Variants in NOTCH4 observed in about 807,000 individuals in gnomAD.
The protein encoded by NOTCH4 is neurogenic locus notch homolog protein 4.
NOTCH4 carries 138 observed loss-of-function variants against 189.0 expected under a neutral mutation model. The ratio of observed to expected loss-of-function variants is 0.73; its 90% CI spans 0.64 to 0.84. The LOEUF (loss-of-function observed/expected upper bound fraction) is 0.84, where lower values mean the gene tolerates loss of function less well. NOTCH4 is among the 40% of genes least tolerant of loss of function. NOTCH4 has a pLI of 0.00. For missense variants in NOTCH4, 2,286 were observed against 2,605.4 expected (o/e 0.88, Z 2.67); for synonymous variants, 942 against 1,032.8 (o/e 0.91, Z 1.69).
rs577639775 is a variant in NOTCH4 at position 32,202,728 on chromosome 6, G to A, written c.3232-129C>T. On this transcript the variant is annotated intron_variant, in intron 20 of 29. Coordinates refer to ENST00000375023, the MANE Select transcript of NOTCH4 (RefSeq NM_004557.4). The surrounding 1 kb of genome is among the most constrained non-coding windows in gnomAD (Gnocchi z 5.7). Reference sequence around the variant, plus strand: ...TCATATCTAAAAGGCGCCTCAGAGAGCATCAAGTTAATCATTTTGTGGATG... The same window carrying A: ...TCATATCTAAAAGGCGCCTCAGAGAACATCAAGTTAATCATTTTGTGGATG... 6.6e-6 allele frequency: 5 copies of A among 762,112 alleles called. No individual in the cohort carries two copies. In the South Asian group the frequency reaches 8.8e-5, roughly 13 times the overall value. The allele number at this position is 762,112 out of a possible 1,614,324, so 47.2% of individuals were successfully genotyped here.
Position 32,217,232 on chromosome 6 carries a change from A to G in NOTCH4, c.1659T>C (p.Asp553=), listed in dbSNP as rs766725003. 3 of 1,613,008 alleles carry G rather than the reference A, an allele frequency of 1.9e-6. No homozygotes were observed. The highest frequency in any genetic ancestry group is 2.5e-6 in the Non-Finnish European group (3 of 1,179,956). ...FSGTRCEEDI[D]ECRSSPCANG... ...TGGCACAGGGAGAGCTTCTGCACTCATCGATATCCTCCTCACATCGGGTGC... is the reference window on the plus strand; with the variant it reads ...TGGCACAGGGAGAGCTTCTGCACTCGTCGATATCCTCCTCACATCGGGTGC... The change falls in exon 10 of 30, where the codon GAT becomes GAC. Residue 553 remains aspartate (D), a synonymous_variant. Transcript: ENST00000375023. The surrounding 1 kb of genome is among the most constrained non-coding windows in gnomAD (Gnocchi z 4.2).
rs746506663 is a variant in NOTCH4 at position 32,214,218 on chromosome 6, C to T, written c.2059G>A (p.Glu687Lys). 12 of 1,613,636 alleles carry T rather than the reference C, an allele frequency of 7.4e-6. No homozygotes were observed. The highest frequency in any genetic ancestry group is 1.0e-5 in the Non-Finnish European group (12 of 1,179,820). Reference sequence around the variant, plus strand: ...CAGCCCCCTAGCTCTGCCTCACACTCTGGCCCCGTCCAACCCACGTCACAC... The same window carrying T: ...CAGCCCCCTAGCTCTGCCTCACACTTTGGCCCCGTCCAACCCACGTCACAC... Reference protein sequence around the residue: ...CVCDVGWTGPECEAELGGCIS... With the variant: ...CVCDVGWTGPKCEAELGGCIS... Residue 687 changes from glutamate (E) to lysine (K), a missense_variant, in exon 13 of 30, where the codon GAG becomes AAG. By Grantham distance (56) the Glu-to-Lys change is moderately conservative. This residue lies in a region of NOTCH4 where 1,903 missense variants were observed against 2,261.9 expected (regional missense o/e 0.84). Transcript: ENST00000375023.
rs1042908939 is a variant in NOTCH4, at chr6:32,221,755, C to T, written c.452-430G>A. On this transcript the variant is annotated intron_variant, in intron 3 of 29. Coordinates refer to ENST00000375023, the MANE Select transcript of NOTCH4 (RefSeq NM_004557.4). This position sits in a 1 kb window ranked among gnomAD's most constrained non-coding sequence, Gnocchi z 4.3. Reference sequence around the variant, plus strand: ...TTTAGGCACCTGGAGACTCACTTCACAGTCCATGTGCACCAGTGGTAATGG... The same window carrying T: ...TTTAGGCACCTGGAGACTCACTTCATAGTCCATGTGCACCAGTGGTAATGG... Among the ~76,000 whole-genome samples the T allele has an allele frequency of 3.3e-5, 5 of 152,164 alleles. No individual in the cohort carries two copies. Among genetic ancestry groups the T allele is most frequent in the African/African-American group, 1.2e-4 (5 of 41,438 alleles).
At position 32,198,242 on chromosome 6, in the gene NOTCH4, T is replaced by G. The variant is rs546304509; in HGVS notation, c.4756+179A>C. ...TGTAGTGGAGCCCAATAATTTGCAT[T>G]TCTGACAAATTCCCAGGTGATGCTG... On this transcript the variant is annotated intron_variant, in intron 26 of 29. Coordinates refer to ENST00000375023, the MANE Select transcript of NOTCH4 (RefSeq NM_004557.4). The surrounding 1 kb of genome is among the most constrained non-coding windows in gnomAD (Gnocchi z 5.5). Among the ~76,000 whole-genome samples the G allele has an allele frequency of 1.3e-5, 2 of 152,322 alleles. No homozygotes were observed. Among genetic ancestry groups the G allele is most frequent in the East Asian group, 3.9e-4 (2 of 5,188 alleles).
chr6:32,218,048 T>G lies in NOTCH4; in HGVS notation c.1571A>C (p.Asn524Thr). 3 of 1,613,922 alleles carry G rather than the reference T, an allele frequency of 1.9e-6. No homozygotes were observed. Among genetic ancestry groups the G allele is most frequent in the South Asian group, 1.1e-5 (1 of 91,052 alleles). ...TNECASAPCL[N>T]HADCHDLLNG... Reference sequence around the variant, plus strand: ...GAGCAGGTCATGGCAATCCGCGTGGTTCAGGCAGGGAGCTGAGGCACACTC... The same window carrying G: ...GAGCAGGTCATGGCAATCCGCGTGGGTCAGGCAGGGAGCTGAGGCACACTC... Residue 524 changes from asparagine to threonine, a missense_variant, in exon 9 of 30, where the codon AAC (asparagine) becomes ACC (threonine). Transcript: ENST00000375023.
rs763115789 is a variant in NOTCH4, at chr6:32,220,975, C to A, written c.799+3G>T. On this transcript the variant is annotated splice_donor_region_variant and intron_variant, in intron 4 of 29. Coordinates refer to ENST00000375023, the MANE Select transcript of NOTCH4 (RefSeq NM_004557.4). ...CGGCCGGAGAGCCCCTGTGAGGACACACCTGGGGGACAGAGGCAGAGGTGA... is the reference window on the plus strand; with the variant it reads ...CGGCCGGAGAGCCCCTGTGAGGACAAACCTGGGGGACAGAGGCAGAGGTGA... The A allele has an allele frequency of 1.3e-6, 2 of 1,598,950 alleles. No individual in the cohort carries two copies. The highest frequency in any genetic ancestry group is 1.1e-5 in the South Asian group (1 of 89,050).
intron 18 of NOTCH4, among the ~76,000 whole-genome samples, chr6:32,204,901 A>C (rs1243139132): frequency 6.6e-6 from 1 of 152,168 alleles, no homozygotes; most frequent in Non-Finnish European, 1.5e-5. Flanking sequence ...GGGTTATCTC[A>C]TTCGATTTTT....
chr6:32,203,679 T>G, intron 20 of NOTCH4, 91 bp downstream of exon 20: 1 of 906,360 alleles, frequency 1.1e-6, no homozygotes, highest in Non-Finnish European at 1.7e-6. Flanking sequence ...ACATCAGTGC[T>G]CACCCACAGT....
At position 32,214,266 on chromosome 6, in the gene NOTCH4, A is replaced by C; in HGVS notation, c.2022-11T>G. The C allele has an allele frequency of 6.2e-7, 1 of 1,612,072 alleles. No individual in the cohort carries two copies. The highest frequency in any genetic ancestry group is 8.5e-7 in the Non-Finnish European group (1 of 1,179,262). Reference sequence around the variant, plus strand: ...CACACACATGAGGATCTGGTTGTAAAGAGAAAGGGGAGGGTTTTTCTCTTC... The same window carrying C: ...CACACACATGAGGATCTGGTTGTAACGAGAAAGGGGAGGGTTTTTCTCTTC... On this transcript the variant is annotated splice_polypyrimidine_tract_variant and intron_variant, in intron 12 of 29. Transcript: ENST00000375023.
chr6:32,203,464 T>C (rs779036119), intron 20 of NOTCH4: 11 of 408,984 alleles, frequency 2.7e-5, no homozygotes, highest in Non-Finnish European at 4.3e-5. Context: ...TAAATACATA[T>C]ACAAACACAC....
Position 32,221,376 on chromosome 6 carries a change from C to G in NOTCH4, c.452-51G>C. ...TTTCTAGCATTGTACGAATTCTAGC[C>G]CATCTGAGGTTACCCAGTGCTCACT... On this transcript the variant is annotated intron_variant, in intron 3 of 29. Transcript: ENST00000375023. This position sits in a 1 kb window ranked among gnomAD's most constrained non-coding sequence, Gnocchi z 4.3. 1 of 1,400,216 alleles carries G rather than the reference C, an allele frequency of 7.1e-7. No homozygotes were observed. Among genetic ancestry groups the G allele is most frequent in the Non-Finnish European group, 9.9e-7 (1 of 1,007,740 alleles). 86.7% of individuals were successfully genotyped at this position (1,400,216 alleles called of 1,614,324 possible). A position where few individuals can be genotyped will look rare whatever the true frequency, so the allele number is the denominator to read the frequency against.
chr6:32,197,070 A>C lies in NOTCH4; in HGVS notation c.5055T>G (p.Leu1685=), dbSNP rs754054927. Residue 1685 remains leucine (L), a splice_region_variant and synonymous_variant, in exon 28 of 30, where the codon CTT becomes CTG. Transcript: ENST00000375023. ...CTGCAGTTTGTCTGCTACGGAGCAG[A>C]AGCTGGGGAGACAGAGGGCCAGTGA... ...VAADAREVCQ[L]LLRSRQTAVD... 1 of 1,612,462 alleles carries C rather than the reference A, an allele frequency of 6.2e-7. No homozygotes were observed. Among genetic ancestry groups the C allele is most frequent in the South Asian group, 1.1e-5 (1 of 91,084 alleles).
intron 1 of NOTCH4, 133 bp downstream of exon 1, chr6:32,223,723 T>C: frequency 1.1e-6 from 1 of 915,490 alleles, no homozygotes; most frequent in Non-Finnish European, 1.6e-6. Flanking sequence ...GGAGGCCGTC[T>C]CTATTTGGGC....
chr6:32,196,156 C>A lies in NOTCH4; in HGVS notation c.5299-6G>T. The A allele has an allele frequency of 1.3e-6, 2 of 1,589,000 alleles. No homozygotes were observed. The highest frequency in any genetic ancestry group is 1.1e-5 in the South Asian group (1 of 89,702). On this transcript the variant is annotated splice_polypyrimidine_tract_variant and splice_region_variant and intron_variant, in intron 29 of 29. Transcript: ENST00000375023. ...AGGAATAGCGGCGTCTGCTCCTGTACAGAAGAGCCAGGGCCGATATCAGGG... is the reference window on the plus strand; with the variant it reads ...AGGAATAGCGGCGTCTGCTCCTGTAAAGAAGAGCCAGGGCCGATATCAGGG...
chr6:32,201,075 A>G lies in NOTCH4; in HGVS notation c.4139+42T>C. 2 of 1,575,832 alleles carry G rather than the reference A, an allele frequency of 1.3e-6. No homozygotes were observed. The highest frequency in any genetic ancestry group is 1.7e-4 in the Middle Eastern group (1 of 5,840). On this transcript the variant is annotated intron_variant, in intron 22 of 29. Coordinates refer to ENST00000375023, the MANE Select transcript of NOTCH4 (RefSeq NM_004557.4). The surrounding 1 kb of genome is among the most constrained non-coding windows in gnomAD (Gnocchi z 5.5). ...TCCCTTTCCTCCCTCTGCCCTCTTA[A>G]AAAAACTGGTGTCTGGCCCTTCCCT...
chr6:32,216,769 C>T, intron 11 of NOTCH4, 176 bp downstream of exon 11: 1 of 810,908 alleles, frequency 1.2e-6, no homozygotes, highest in Non-Finnish European at 2.0e-6. Flanking sequence ...ACGGTAACCC[C>T]TGCCCTTGTC....
intron 7 of NOTCH4, 111 bp from the exon 8 acceptor site, chr6:32,219,897 G>A: frequency 2.1e-6 from 2 of 940,334 alleles, no homozygotes; most frequent in East Asian, 2.6e-5. Context: ...AGACCAAATT[G>A]GGGAAGGGGC....
rs1388647413 is a variant in NOTCH4, at chr6:32,196,116, C to G, written c.5333G>C (p.Gly1778Ala). The change falls in exon 30 of 30, where the codon GGA (glycine) becomes GCA (alanine). Residue 1778 changes from glycine (G) to alanine (A), a missense_variant. By Grantham distance (60) the Gly-to-Ala change is moderately conservative. Around this residue, in one of 2 missense-constraint regions of NOTCH4, gnomAD observed 383 missense variants for 343.5 expected, o/e 1.11. Transcript: ENST00000375023. ...QTPLFLAAREGAVEVAQLLLG... is the reference protein window; with the variant it reads ...QTPLFLAAREAAVEVAQLLLG... ...CAGTAGCTGGGCTACTTCCACCGCTCCTTCCCGCGCCGCCAGGAATAGCGG... is the reference window on the plus strand; with the variant it reads ...CAGTAGCTGGGCTACTTCCACCGCTGCTTCCCGCGCCGCCAGGAATAGCGG... 1 of 1,589,644 alleles carries G rather than the reference C, an allele frequency of 6.3e-7. No individual in the cohort carries two copies. The highest frequency in any genetic ancestry group is 8.5e-7 in the Non-Finnish European group (1 of 1,175,124).
chr6:32,198,725 A>G lies in NOTCH4; in HGVS notation c.4541T>C (p.Leu1514Pro), dbSNP rs573098702. 4 of 1,610,830 alleles carry G rather than the reference A, an allele frequency of 2.5e-6. No individual in the cohort carries two copies. Among genetic ancestry groups the G allele is most frequent in the South Asian group, 2.2e-5 (2 of 90,706 alleles). The change falls in exon 25 of 30, where the codon CTG (leucine) becomes CCG (proline). Residue 1514 changes from leucine (L) to proline (P), a missense_variant. Physicochemically the swap from Leu to Pro is moderately conservative, Grantham distance 98 (BLOSUM62 -3). Around this residue, in one of 2 missense-constraint regions of NOTCH4, gnomAD observed 1,903 missense variants for 2,261.9 expected, o/e 0.84. Coordinates refer to ENST00000375023, the MANE Select transcript of NOTCH4 (RefSeq NM_004557.4). This position sits in a 1 kb window ranked among gnomAD's most constrained non-coding sequence, Gnocchi z 5.5. ...LGEDSIGLKA[L>P]KPKAEVDEDG... ...CTCATCAACTTCTGCCTTTGGCTTC[A>G]GTGCCCTGGAAAGGAATGGGTGGGT... is the stretch of plus-strand genomic sequence containing the variant.
Sources: gnomAD v4.1 joint callset for allele counts (sites outside exome capture counted in the v4.1 genomes callset) on GRCh38, gnomAD v4.1.1 for gene constraint, gnomAD v4.1.1 regional missense constraint, Gnocchi (gnomAD v3.1) non-coding constraint, MANE v1.5 for transcripts, NCBI Gene and HGNC (gene_info 2026-07-23, HGNC 2026-07-21) for gene names.